The following DISC1 variants were observed in gnomAD, a reference collection of about 807,000 sequenced individuals.
DISC1 encodes DISC1 scaffold protein.
A neutral mutation model predicts 84.5 loss-of-function variants in DISC1; 57 were observed. The ratio of observed to expected loss-of-function variants is 0.67; its 90% CI spans 0.55 to 0.84. The LOEUF is 0.84. DISC1 is among the 40% of genes least tolerant of loss of function. DISC1 has a pLI of 0.00. For missense variants in DISC1, 1,000 were observed against 1,057.8 expected, an observed-to-expected ratio of 0.95 and a Z score of 0.76; for synonymous variants, 411 against 415.2, an observed-to-expected ratio of 0.99 and a Z score of 0.12.
chr1:231,905,179 A>G (rs1202120077), intron 9 of DISC1, among the ~76,000 whole-genome samples: 2 of 152,350 alleles, frequency 1.3e-5, no homozygotes, highest in Admixed American at 1.3e-4. Flanking sequence ...AAGCTACAAG[A>G]GCACCATGAC....
chr1:231,873,925 T>A (rs954689019), intron 9 of DISC1, among the ~76,000 whole-genome samples: 11 of 152,158 alleles, frequency 7.2e-5, no homozygotes, highest in Non-Finnish European at 1.6e-4. Flanking sequence ...CTTGGCTCAC[T>A]GCAACCTCTG....
intron 1 of DISC1, among the ~76,000 whole-genome samples, chr1:231,670,233 A>G (rs2062469290): frequency 6.6e-6 from 1 of 152,192 alleles, no homozygotes; most frequent in African/African-American, 2.4e-5. Context: ...TGAAGGAGGA[A>G]GAAGACTAGG....
At chr1:231,691,452 A>G (rs1305908326) in intron 1 of DISC1, among the ~76,000 whole-genome samples, 1 of 152,028 alleles carries the variant, frequency 6.6e-6, no homozygotes, top group Non-Finnish European at 1.5e-5. Flanking sequence ...GAAAGAATAA[A>G]GAAAAAAAGA....
At chr1:231,970,903 A>G (rs750227077) in intron 10 of DISC1, among the ~76,000 whole-genome samples, 18 of 152,186 alleles carry the variant, frequency 1.2e-4, no homozygotes, top group Non-Finnish European at 2.1e-4. Context: ...GTTGGCAGAA[A>G]GACATTCAGC....
At chr1:232,025,071 G>A (rs1572674665) in intron 11 of DISC1, among the ~76,000 whole-genome samples, 1 of 152,098 alleles carries the variant, frequency 6.6e-6, no homozygotes, top group South Asian at 2.1e-4. Flanking sequence ...CAAGTCTGTG[G>A]CCTTCTACAT....
chr1:231,702,468 A>T (rs1447215876), intron 3 of DISC1: 1 of 987,158 alleles, frequency 1.0e-6, no homozygotes, highest in Non-Finnish European at 1.2e-6. Flanking sequence ...CTCTGACTTC[A>T]TAATTTCCAG....
intron 2 of DISC1, among the ~76,000 whole-genome samples, chr1:231,695,318 C>T (rs1055669927): frequency 2.2e-4 from 34 of 152,158 alleles, no homozygotes; most frequent in Non-Finnish European, 8.8e-5. Context: ...TCTCAGTTTC[C>T]GTATTTAGAG....
intron 12 of DISC1, among the ~76,000 whole-genome samples, chr1:232,033,305 A>G (rs1055657989): frequency 2.6e-5 from 4 of 152,182 alleles, no homozygotes; most frequent in African/African-American, 9.7e-5. Context: ...TGTATCTGCA[A>G]AACACATCCA....
intron 9 of DISC1, among the ~76,000 whole-genome samples, chr1:231,878,970 G>A (rs1378326629): frequency 6.6e-6 from 1 of 152,164 alleles, no homozygotes; most frequent in Non-Finnish European, 1.5e-5. Flanking sequence ...TGTGTGAATA[G>A]ACCATGATTT....
intron 10 of DISC1, among the ~76,000 whole-genome samples, chr1:231,991,091 T>C (rs1388243595): frequency 5.3e-5 from 8 of 152,254 alleles, no homozygotes; most frequent in Non-Finnish European, 1.0e-4. Context: ...GACATTTCTA[T>C]GTTTTCTTTC....
intron 1 of DISC1, 27 bp downstream of exon 1, chr1:231,626,961 C>T: frequency 6.8e-7 from 1 of 1,470,462 alleles, no homozygotes; most frequent in Non-Finnish European, 9.0e-7. Flanking sequence ...AGAGTCCTAG[C>T]ACGTCCTGGG....
intron 1 of DISC1, among the ~76,000 whole-genome samples, chr1:231,650,899 G>T (rs1255753895): frequency 1.3e-5 from 2 of 152,038 alleles, no homozygotes; most frequent in African/African-American, 4.8e-5. Flanking sequence ...TTGTGCCATG[G>T]TTTTCAGCTT....
At chr1:231,914,374 T>C (rs1301459390) in intron 9 of DISC1, among the ~76,000 whole-genome samples, 1 of 152,240 alleles carries the variant, frequency 6.6e-6, no homozygotes, top group Non-Finnish European at 1.5e-5. Flanking sequence ...ATTTATTTAA[T>C]TTTATCTAAG....
intron 2 of DISC1, among the ~76,000 whole-genome samples, chr1:231,695,801 G>T (rs1040979534): frequency 3.3e-5 from 5 of 152,184 alleles, no homozygotes; most frequent in Admixed American, 6.5e-5. Context: ...ATCTGCAGAA[G>T]TTCATGCTCA....
chr1:231,909,411 T>C (rs576643747), intron 9 of DISC1, among the ~76,000 whole-genome samples: 167 of 152,362 alleles, frequency 1.1e-3, no homozygotes, highest in Non-Finnish European at 1.9e-3. Flanking sequence ...AGGCCTTTTC[T>C]GCATCTATTG....
chr1:231,759,258 T>C (rs182922730), intron 4 of DISC1, among the ~76,000 whole-genome samples: 2 of 152,304 alleles, frequency 1.3e-5, no homozygotes, highest in Admixed American at 1.3e-4. Flanking sequence ...CAGCATTCAG[T>C]GTCACAGAAT....
At chr1:231,893,714 C>T (rs1210326866) in intron 9 of DISC1, among the ~76,000 whole-genome samples, 3 of 152,070 alleles carry the variant, frequency 2.0e-5, no homozygotes, top group Non-Finnish European at 4.4e-5. Context: ...TATAAAGCCT[C>T]TGGGTGGGCG....
intron 9 of DISC1, chr1:231,940,819 C>T (rs1358068913): frequency 6.6e-6 from 1 of 152,258 alleles, no homozygotes; most frequent in Non-Finnish European, 1.5e-5. Flanking sequence ...ACTCTGCCTT[C>T]AACATTTGCT....
chr1:231,842,291 G>A (rs1417401150), intron 9 of DISC1, among the ~76,000 whole-genome samples: 1 of 152,108 alleles, frequency 6.6e-6, no homozygotes, highest in East Asian at 1.9e-4. Context: ...CTGGGATTAC[G>A]TGAGCCATTG....
Sources: gnomAD v4.1 joint callset for allele counts (sites outside exome capture counted in the v4.1 genomes callset) on GRCh38, gnomAD v4.1.1 for gene constraint, MANE v1.5 for transcripts, NCBI Gene and HGNC (gene_info 2026-07-23, HGNC 2026-07-21) for gene names.